Variants in HTT observed in about 807,000 individuals in gnomAD.
The protein encoded by HTT is huntingtin.
In HTT, 104 loss-of-function variants were observed where a neutral mutation model predicts 362.3. The observed-to-expected ratio is 0.29, with a 90% CI of 0.24 to 0.34. The LOEUF (loss-of-function observed/expected upper bound fraction) is 0.34. Ranked by LOEUF, HTT falls within the 10% of genes least tolerant of loss-of-function variation. The probability of loss-of-function intolerance (pLI) is 1.00; values close to 1 mark genes in which losing one functional copy is unlikely to be tolerated. For synonymous variants in HTT, 1,577 were observed against 1,548.7 expected, an observed-to-expected ratio of 1.02 and a Z score of -0.43; for missense variants, 3,301 against 3,928.6, an observed-to-expected ratio of 0.84 and a Z score of 4.27.
At chr4:3,151,444 T>C (rs930411281) in intron 26 of HTT, among the ~76,000 whole-genome samples, 1 of 151,682 alleles carries the variant, frequency 6.6e-6, no homozygotes, top group Non-Finnish European at 1.5e-5. Flanking sequence ...GGGGAGTTGC[T>C]ACACAAAGGA....
chr4:3,159,904 A>T (rs1717353891), intron 28 of HTT, among the ~76,000 whole-genome samples: 2 of 152,220 alleles, frequency 1.3e-5, no homozygotes, highest in African/African-American at 4.8e-5. Context: ...GATTTCTCCC[A>T]GGGATCCTAG....
Position 3,122,848 on chromosome 4 carries a change from A to G in HTT, c.1274-41A>G, listed in dbSNP as rs77740394. On this transcript the variant is annotated intron_variant, in intron 9 of 66. Coordinates refer to ENST00000355072, the MANE Select transcript of HTT (RefSeq NM_001388492.1). ...GATTTTCACATTTCTTCTAGATTTT[A>G]TCAGCTTGTTACTTTATCTGTCACT... The G allele has an allele frequency of 1.5e-3, 2,337 of 1,517,458 alleles. 23 individuals are homozygous for G. The African/African-American group carries it at 0.024, about 16-fold the overall frequency. 94.0% of individuals were successfully genotyped at this position (1,517,458 alleles called of 1,614,324 possible).
chr4:3,236,860 G>A (rs554556727), intron 64 of HTT, among the ~76,000 whole-genome samples: 1 of 152,174 alleles, frequency 6.6e-6, no homozygotes, highest in South Asian at 2.1e-4. Flanking sequence ...AAGGACAAGG[G>A]CCCCTGATTT....
chr4:3,165,313 T>C (rs555170494), intron 29 of HTT, among the ~76,000 whole-genome samples: 1 of 152,330 alleles, frequency 6.6e-6, no homozygotes, highest in South Asian at 2.1e-4. Flanking sequence ...GGGCTTCCCT[T>C]TGTGGGTAAC....
intron 3 of HTT, 85 bp from the exon 4 acceptor site, chr4:3,103,739 A>G (rs1320995356): frequency 7.2e-6 from 6 of 830,658 alleles, no homozygotes; most frequent in Non-Finnish European, 1.2e-5. Context: ...CTTTGCCCCA[A>G]AATTGAAATC....
chr4:3,210,545 G>A (rs868374724), intron 47 of HTT, among the ~76,000 whole-genome samples: 5 of 152,310 alleles, frequency 3.3e-5, no homozygotes, highest in Admixed American at 3.3e-4. Context: ...CCTGCGCAGA[G>A]CTAGGAGGCC....
At chr4:3,154,829 A>G (rs1313347039) in intron 27 of HTT, among the ~76,000 whole-genome samples, 1 of 152,278 alleles carries the variant, frequency 6.6e-6, no homozygotes, top group East Asian at 1.9e-4. Context: ...TGGAAATGGA[A>G]TATTTACATT....
chr4:3,232,321 C>G (rs1721294930), intron 60 of HTT, among the ~76,000 whole-genome samples: 1 of 152,160 alleles, frequency 6.6e-6, no homozygotes, highest in Admixed American at 6.5e-5. Context: ...CCTCATCATT[C>G]CACAAAAACA....
chr4:3,142,804 A>C lies in HTT; in HGVS notation c.2984A>C (p.Asp995Ala), dbSNP rs368495667. 1 of 1,580,028 alleles carries C rather than the reference A, an allele frequency of 6.3e-7. No individual in the cohort carries two copies. The highest frequency in any genetic ancestry group is 8.7e-7 in the Non-Finnish European group (1 of 1,149,112). The change falls in exon 23 of 67, where the codon GAC (aspartate) becomes GCC (alanine). Residue 995 changes from aspartate (D) to alanine (A), a missense_variant. Around this residue, in one of 4 missense-constraint regions of HTT, gnomAD observed 2,316 missense variants for 2,658.5 expected, o/e 0.87. Transcript: ENST00000355072. ...RGYNLLPSIT[D>A]VTMENNLSRV... ...TATAACCTACTACCAAGCATAACAGACGTCACTATGGAAAATAACCTTTCA... is the reference window on the plus strand; with the variant it reads ...TATAACCTACTACCAAGCATAACAGCCGTCACTATGGAAAATAACCTTTCA...
At chr4:3,123,100 CAGGCCTGAAT>C in intron 10 of HTT, 164 bp downstream of exon 10, 1 of 465,576 alleles carries the variant, frequency 2.1e-6, no homozygotes, top group Non-Finnish European at 3.7e-6. Context: ...ATCTGATAAC[CAGGCCTGAAT>C]AGTTTTGTAG....
intron 24 of HTT, among the ~76,000 whole-genome samples, chr4:3,145,797 A>G (rs1354178538): frequency 6.6e-6 from 1 of 152,166 alleles, no homozygotes; most frequent in African/African-American, 2.4e-5. Flanking sequence ...AAACCTGCAG[A>G]TTTCTTGTGT....
chr4:3,183,708 GTGCCCTGGAAGCTT>G (rs551871104), intron 37 of HTT, among the ~76,000 whole-genome samples: 186 of 152,292 alleles, frequency 1.2e-3, no homozygotes, highest in Admixed American at 2.9e-3. Context: ...TTTTAGAATG[GTGCCCTGGAAGCTT>G]TATCCCATTC....
rs376168205 is a variant in HTT at position 3,122,571 on chromosome 4, C to T, written c.1274-318C>T. On this transcript the variant is annotated intron_variant, in intron 9 of 66. Coordinates refer to ENST00000355072, the MANE Select transcript of HTT (RefSeq NM_001388492.1). ...ACAAATAATGAGTGGAAATACCCAT[C>T]GCTAATGAAAAGTTATACTTGACTG... is the stretch of plus-strand genomic sequence containing the variant. Among the ~76,000 whole-genome samples, 10 of 152,260 alleles carry T rather than the reference C, an allele frequency of 6.6e-5. No homozygotes were observed. In the South Asian group the frequency reaches 1.0e-3, roughly 16 times the overall value.
At chr4:3,134,351 A>G in intron 18 of HTT, 50 bp from the exon 19 acceptor site, 1 of 1,558,386 alleles carries the variant, frequency 6.4e-7, no homozygotes, top group Non-Finnish European at 8.7e-7. Flanking sequence ...AGACGCGGGT[A>G]CTGAGTGGGA....
intron 29 of HTT, among the ~76,000 whole-genome samples, chr4:3,171,945 A>G (rs1478407107): frequency 2.0e-5 from 3 of 152,208 alleles, no homozygotes; most frequent in Non-Finnish European, 4.4e-5. Flanking sequence ...GCTGTATCAT[A>G]GTTGTGTTCA....
At chr4:3,102,197 G>A (rs369041348) in intron 3 of HTT, among the ~76,000 whole-genome samples, 3 of 152,200 alleles carry the variant, frequency 2.0e-5, no homozygotes, top group Non-Finnish European at 2.9e-5. Context: ...GAGCCAGGAT[G>A]GTGGCAGGGC....
chr4:3,205,193 A>C (rs1184704149), intron 42 of HTT, among the ~76,000 whole-genome samples: 2 of 152,196 alleles, frequency 1.3e-5, no homozygotes, highest in African/African-American at 2.4e-5. Flanking sequence ...CTGTAATCAT[A>C]CTACTCAGAG....
rs577697094 is a variant in HTT at position 3,145,311 on chromosome 4, CTTTT to C, written c.3143+85_3143+88del. On this transcript the variant is annotated intron_variant, in intron 24 of 66. Transcript: ENST00000355072. Reference sequence around the variant, plus strand: ...AGTTATTAGGATGCCCTTTTTCTTTCTTTTTAAGTCTTTTATCAATTTGGCTTTT... The same window carrying C: ...AGTTATTAGGATGCCCTTTTTCTTTCTAAGTCTTTTATCAATTTGGCTTTT... 89 of 968,776 alleles carry C rather than the reference CTTTT, an allele frequency of 9.2e-5. No homozygotes were observed. The African/African-American group carries it at 1.4e-3, about 15-fold the overall frequency. The allele number at this position is 968,776 out of a possible 1,614,324, so 60.0% of individuals were successfully genotyped here. A position where few individuals can be genotyped will look rare whatever the true frequency, so the allele number is the denominator to read the frequency against.
At chr4:3,110,976 A>G (rs1330364511) in intron 6 of HTT, among the ~76,000 whole-genome samples, 1 of 151,992 alleles carries the variant, frequency 6.6e-6, no homozygotes, top group Non-Finnish European at 1.5e-5. Context: ...CTTTTTAGAT[A>G]TCCATCTCAA....
Sources: gnomAD v4.1 joint callset for allele counts (sites outside exome capture counted in the v4.1 genomes callset) on GRCh38, gnomAD v4.1.1 for gene constraint, gnomAD v4.1.1 regional missense constraint, MANE v1.5 for transcripts, NCBI Gene and HGNC (gene_info 2026-07-23, HGNC 2026-07-21) for gene names.